CSMD3: variants seen among roughly 807,000 people sequenced by gnomAD.
The protein encoded by CSMD3 is CUB and Sushi multiple domains 3.
CSMD3 carries 177 observed loss-of-function variants against 435.2 expected under a neutral mutation model. The ratio of observed to expected loss-of-function variants is 0.41; its 90% CI spans 0.36 to 0.46. CSMD3 has a LOEUF of 0.46. Among genes scored for constraint, CSMD3 ranks in the 20% least tolerant of loss-of-function variants. CSMD3 has a pLI of 0.34. For synonymous variants in CSMD3, 1,656 were observed against 1,520.5 expected, an observed-to-expected ratio of 1.09 and a Z score of -2.07; for missense variants, 4,265 against 4,504.6, an observed-to-expected ratio of 0.95 and a Z score of 1.52.
At chr8:112,657,017 C>T (rs1051772993) in intron 17 of CSMD3, among the ~76,000 whole-genome samples, 6 of 151,576 alleles carry the variant, frequency 4.0e-5, no homozygotes, top group African/African-American at 1.5e-4. Flanking sequence ...AACCCACTTT[C>T]CAAGTAAGAA....
In CSMD3 at chr8:112,528,300, A is replaced by T. The variant is rs188873402; in HGVS notation, c.4565-11075T>A. On this transcript the variant is annotated intron_variant, in intron 27 of 70. Coordinates refer to ENST00000297405, the MANE Select transcript of CSMD3 (RefSeq NM_198123.2). ...AAAGATTGTAGGCAATTTATTCATTAAAAAAAACCAAGTAATAATATCTTA... is the reference window on the plus strand; with the variant it reads ...AAAGATTGTAGGCAATTTATTCATTTAAAAAAACCAAGTAATAATATCTTA... Among the ~76,000 whole-genome samples, 955 of 152,006 alleles carry T rather than the reference A, an allele frequency of 6.3e-3. 6 individuals carry two copies. Among genetic ancestry groups the T allele is most frequent in the Admixed American group, 0.011 (170 of 15,234 alleles).
At position 113,221,354 on chromosome 8, in the gene CSMD3, TAC is replaced by T. The variant is rs147263614; in HGVS notation, c.515-47440_515-47439del. Among the ~76,000 whole-genome samples, 1,249 of 141,246 alleles carry T rather than the reference TAC, an allele frequency of 8.8e-3. 12 individuals carry two copies. Among genetic ancestry groups the T allele is most frequent in the African/African-American group, 0.021 (824 of 39,374 alleles). 92.7% of individuals were successfully genotyped at this position (141,246 alleles called of 152,430 possible). On this transcript the variant is annotated intron_variant, in intron 3 of 70. Coordinates refer to ENST00000297405, the MANE Select transcript of CSMD3 (RefSeq NM_198123.2). ...AGGAGAAAATACACACAGACACAGT[TAC>T]ACACACACACACACACACACACACA...
chr8:112,541,301 A>T (rs987154989), intron 27 of CSMD3, among the ~76,000 whole-genome samples: 1 of 151,858 alleles, frequency 6.6e-6, no homozygotes, highest in African/African-American at 2.4e-5. Context: ...CATAATAGAA[A>T]ATAGAAAAAC....
At chr8:112,576,206 G>A (rs1208327312) in intron 23 of CSMD3, among the ~76,000 whole-genome samples, 1 of 151,948 alleles carries the variant, frequency 6.6e-6, no homozygotes, top group African/African-American at 2.4e-5. Flanking sequence ...AAAATTGGAT[G>A]TTGAAATTTG....
intron 4 of CSMD3, among the ~76,000 whole-genome samples, chr8:113,112,729 A>C (rs2090700383): frequency 6.6e-6 from 1 of 152,078 alleles, no homozygotes; most frequent in African/African-American, 2.4e-5. Context: ...TTCTCACTTC[A>C]CTGAAGATTG....
chr8:112,576,650 A>T (rs1368634685), intron 23 of CSMD3, among the ~76,000 whole-genome samples: 2 of 151,134 alleles, frequency 1.3e-5, no homozygotes, highest in East Asian at 2.0e-4. Context: ...CCCATCTCAG[A>T]CTCCCAAGTA....
At chr8:112,470,423 A>T (rs564839164) in intron 32 of CSMD3, among the ~76,000 whole-genome samples, 1 of 152,268 alleles carries the variant, frequency 6.6e-6, no homozygotes, top group South Asian at 2.1e-4. Flanking sequence ...ACTCACATAC[A>T]TCAAATTATT....
intron 6 of CSMD3, among the ~76,000 whole-genome samples, chr8:112,987,677 C>G (rs1163735831): frequency 6.6e-6 from 1 of 152,106 alleles, no homozygotes; most frequent in Non-Finnish European, 1.5e-5. Context: ...CTCCCCAATA[C>G]AGTATAGCAT....
At chr8:112,368,163 C>A (rs1315258618) in intron 38 of CSMD3, among the ~76,000 whole-genome samples, 1 of 152,096 alleles carries the variant, frequency 6.6e-6, no homozygotes, top group Non-Finnish European at 1.5e-5. Context: ...TCATATCTAT[C>A]TTTAAATTCT....
At chr8:112,671,015 G>T (rs772484952) in intron 16 of CSMD3, among the ~76,000 whole-genome samples, 1 of 152,036 alleles carries the variant, frequency 6.6e-6, no homozygotes, top group Non-Finnish European at 1.5e-5. Flanking sequence ...CTGAGAAAAG[G>T]GCTGAGATGA....
At chr8:112,265,325 T>C in intron 60 of CSMD3, 86 bp downstream of exon 60, 1 of 946,156 alleles carries the variant, frequency 1.1e-6, no homozygotes, top group Non-Finnish European at 1.5e-6. Context: ...AAAAATTTTA[T>C]TTAAGTATAC....
intron 50 of CSMD3, among the ~76,000 whole-genome samples, chr8:112,309,662 A>G (rs917114920): frequency 3.3e-5 from 5 of 152,120 alleles, no homozygotes; most frequent in Non-Finnish European, 7.4e-5. Context: ...CATTAAGGTA[A>G]TGGTGCTTCC....
intron 13 of CSMD3, among the ~76,000 whole-genome samples, chr8:112,722,289 G>GT (rs200938343): frequency 1.2e-3 from 188 of 151,588 alleles, no homozygotes; most frequent in Non-Finnish European, 1.6e-3. Context: ...TAGATCTTAG[G>GT]TTTTTTAAAA....
In CSMD3 at chr8:112,366,996, C is replaced by A. The variant is rs193151008; in HGVS notation, c.6136+13356G>T. On this transcript the variant is annotated intron_variant, in intron 38 of 70. Transcript: ENST00000297405. Reference sequence around the variant, plus strand: ...ATATACATTCAATTTTTCTATAATTCAATTTTTCTCTAAACCTTTTGTAGT... The same window carrying A: ...ATATACATTCAATTTTTCTATAATTAAATTTTTCTCTAAACCTTTTGTAGT... 9.5e-4 allele frequency among the ~76,000 whole-genome samples: 145 copies of A among 151,946 alleles called. 2 individuals are homozygous for A. The highest frequency in any genetic ancestry group is 5.8e-4 in the East Asian group (3 of 5,166).
At chr8:112,673,078 T>C (rs2075694068) in intron 16 of CSMD3, among the ~76,000 whole-genome samples, 1 of 152,032 alleles carries the variant, frequency 6.6e-6, no homozygotes, top group East Asian at 1.9e-4. Flanking sequence ...TTGTAGCATT[T>C]GGTCTGATAA....
At chr8:112,241,216 G>A (rs1032479296) in intron 66 of CSMD3, among the ~76,000 whole-genome samples, 2 of 151,984 alleles carry the variant, frequency 1.3e-5, no homozygotes, top group African/African-American at 4.8e-5. Context: ...AAGTCAGAGA[G>A]TATATAAAAT....
At chr8:112,303,631 A>G (rs149271218) in intron 52 of CSMD3, among the ~76,000 whole-genome samples, 18 of 152,242 alleles carry the variant, frequency 1.2e-4, no homozygotes, top group African/African-American at 4.1e-4. Flanking sequence ...TATTAAATAT[A>G]ATTTAGAAAT....
At chr8:113,319,595 G>T (rs1407027884) in intron 1 of CSMD3, among the ~76,000 whole-genome samples, 1 of 151,758 alleles carries the variant, frequency 6.6e-6, no homozygotes, top group Non-Finnish European at 1.5e-5. Flanking sequence ...TGTTTTTGTA[G>T]TTTGAGCTTT....
chr8:112,627,066 C>A (rs920445121), intron 22 of CSMD3, among the ~76,000 whole-genome samples: 3 of 152,022 alleles, frequency 2.0e-5, no homozygotes, highest in Non-Finnish European at 4.4e-5. Flanking sequence ...CCTTATCTGG[C>A]ATTAATATAT....
Sources: allele counts gnomAD v4.1 joint callset (sites outside exome capture counted in the v4.1 genomes callset), GRCh38; gene constraint gnomAD v4.1.1; transcripts MANE v1.5; gene names NCBI Gene and HGNC (gene_info 2026-07-23, HGNC 2026-07-21).